The following UST variants were observed in gnomAD, a reference collection of about 807,000 sequenced individuals.
The protein encoded by UST is uronyl 2-sulfotransferase, also known as chondroitin sulfate 2-O-sulfotransferase.
Under a neutral mutation model 45.6 loss-of-function variants are expected in UST, and 21 were observed. That is an observed-to-expected ratio of 0.46 (90% CI 0.33 to 0.66). The LOEUF (loss-of-function observed/expected upper bound fraction) is 0.66, where lower values mean the gene tolerates loss of function less well. UST is among the 30% of genes least tolerant of loss of function. The pLI, the probability that UST is intolerant of heterozygous loss-of-function variation, is 0.02. For missense variants in UST, 463 were observed against 512.4 expected (o/e 0.90, Z 0.93); for synonymous variants, 215 against 200.6 (o/e 1.07, Z -0.61).
intron 2 of UST, among the ~76,000 whole-genome samples, chr6:148,928,171 G>A (rs1056051144): frequency 6.6e-6 from 1 of 151,874 alleles, no homozygotes; most frequent in African/African-American, 2.4e-5. Context: ...ACTACAGTCT[G>A]AGATCAGCAA....
chr6:148,779,461 G>A (rs1776596574), intron 1 of UST, among the ~76,000 whole-genome samples: 1 of 152,206 alleles, frequency 6.6e-6, no homozygotes, highest in Non-Finnish European at 1.5e-5. Context: ...AGAATGTCGT[G>A]CATTGACACC....
chr6:148,887,159 T>A (rs967285397), intron 2 of UST, 130 bp downstream of exon 2: 3 of 735,134 alleles, frequency 4.1e-6, no homozygotes, highest in Non-Finnish European at 6.9e-6. Context: ...GTGAAATTGA[T>A]GTTTAACTTC....
chr6:148,906,897 G>C (rs937160958), intron 2 of UST, among the ~76,000 whole-genome samples: 1 of 152,166 alleles, frequency 6.6e-6, no homozygotes, highest in African/African-American at 2.4e-5. Context: ...ACACATAAAT[G>C]CCTGTGCAAA....
intron 2 of UST, among the ~76,000 whole-genome samples, chr6:148,904,013 T>TG (rs1779311884): frequency 6.6e-6 from 1 of 152,148 alleles, no homozygotes; most frequent in Non-Finnish European, 1.5e-5. Flanking sequence ...AAAATGATCT[T>TG]GGGAGGTAGA....
intron 1 of UST, among the ~76,000 whole-genome samples, chr6:148,873,350 C>T (rs778303139): frequency 2.6e-5 from 4 of 152,102 alleles, no homozygotes; most frequent in Non-Finnish European, 5.9e-5. Flanking sequence ...TGTCCCTCTC[C>T]ACCCCCTGTT....
At chr6:148,996,017 G>A (rs2500528) in intron 5 of UST, among the ~76,000 whole-genome samples, 138,907 of 152,278 alleles carry the variant, frequency 0.91, 63,773 homozygotes, top group African/African-American at 0.98. Flanking sequence ...CACACAACAC[G>A]GTGCCCAGCA....
At chr6:149,017,249 C>T (rs1775914062) in intron 5 of UST, among the ~76,000 whole-genome samples, 1 of 151,992 alleles carries the variant, frequency 6.6e-6, no homozygotes, top group Admixed American at 6.5e-5. Context: ...TGGTGGCGGG[C>T]ACCTGTAGTC....
At chr6:148,760,393 C>T (rs1157393847) in intron 1 of UST, among the ~76,000 whole-genome samples, 2 of 152,218 alleles carry the variant, frequency 1.3e-5, no homozygotes, top group Non-Finnish European at 2.9e-5. Flanking sequence ...CTGTGGGCAG[C>T]TCCAGTGGGT....
At chr6:148,779,590 G>A (rs183085691) in intron 1 of UST, among the ~76,000 whole-genome samples, 40 of 152,318 alleles carry the variant, frequency 2.6e-4, no homozygotes, top group African/African-American at 5.8e-4. Context: ...CCGCTCCACG[G>A]GATGTCGTAA....
chr6:148,823,903 G>A (rs1184004767), intron 1 of UST, among the ~76,000 whole-genome samples: 2 of 152,136 alleles, frequency 1.3e-5, no homozygotes, highest in East Asian at 3.8e-4. Context: ...TTGTCTGCAA[G>A]CAATTTTCGT....
chr6:149,003,144 T>C (rs552664859), intron 5 of UST, among the ~76,000 whole-genome samples: 1 of 152,310 alleles, frequency 6.6e-6, no homozygotes, highest in East Asian at 1.9e-4. Flanking sequence ...GTAGACCATA[T>C]CGTGGCATGA....
At chr6:149,042,045 G>T (rs2115031494) in intron 7 of UST, among the ~76,000 whole-genome samples, 1 of 152,340 alleles carries the variant, frequency 6.6e-6, no homozygotes, top group Non-Finnish European at 1.5e-5. Context: ...AAAATGTATT[G>T]AATTAATACT....
intron 5 of UST, among the ~76,000 whole-genome samples, chr6:148,970,918 C>T (rs1394491930): frequency 6.6e-6 from 1 of 152,178 alleles, no homozygotes; most frequent in Admixed American, 6.5e-5. Context: ...GCATAGTGTC[C>T]CCTCTCAAGG....
At chr6:148,861,272 A>C (rs1486325059) in intron 1 of UST, among the ~76,000 whole-genome samples, 2 of 152,070 alleles carry the variant, frequency 1.3e-5, no homozygotes, top group African/African-American at 4.8e-5. Context: ...TAGATTTTCT[A>C]GTTTATTTGC....
intron 5 of UST, among the ~76,000 whole-genome samples, chr6:149,015,161 T>C (rs1005148714): frequency 2.6e-5 from 4 of 152,146 alleles, no homozygotes; most frequent in African/African-American, 9.7e-5. Context: ...ACCATCCATC[T>C]GGTGGAAACA....
intron 1 of UST, among the ~76,000 whole-genome samples, chr6:148,804,393 G>A (rs1777109937): frequency 6.6e-6 from 1 of 152,132 alleles, no homozygotes. Context: ...GTGTGTGTGA[G>A]GGGGGGTCAT....
At chr6:149,043,007 C>A (rs1467354618) in intron 7 of UST, among the ~76,000 whole-genome samples, 6 of 112,400 alleles carry the variant, frequency 5.3e-5, no homozygotes, top group South Asian at 2.6e-4. Context: ...TTCTTTCTTT[C>A]TTTCTTTCTT....
At chr6:148,941,138 A>G (rs1780117227) in intron 2 of UST, 141 bp from the exon 3 acceptor site, 1 of 927,106 alleles carries the variant, frequency 1.1e-6, no homozygotes, top group Non-Finnish European at 1.7e-6. Flanking sequence ...GAACTGATAT[A>G]CATCCTTTTT....
At chr6:148,860,079 C>T (rs1778280752) in intron 1 of UST, among the ~76,000 whole-genome samples, 1 of 152,150 alleles carries the variant, frequency 6.6e-6, no homozygotes. Flanking sequence ...TACAAATTAC[C>T]TTGGGCAGTA....
Sources: allele counts gnomAD v4.1 joint callset (sites outside exome capture counted in the v4.1 genomes callset), GRCh38; gene constraint gnomAD v4.1.1; transcripts MANE v1.5; gene names NCBI Gene and HGNC (gene_info 2026-07-23, HGNC 2026-07-21).